Variants in BCL2L14 observed in about 807,000 individuals in gnomAD.
The protein encoded by BCL2L14 is apoptosis facilitator Bcl-2-like protein 14.
A neutral mutation model predicts 35.3 loss-of-function variants in BCL2L14; 27 were observed. The observed-to-expected ratio is 0.76, with a 90% CI of 0.56 to 1.05. The LOEUF (loss-of-function observed/expected upper bound fraction) is 1.05. Among genes scored for constraint, BCL2L14 ranks in the 50% least tolerant of loss-of-function variants. BCL2L14 has a pLI of 0.00. For missense variants in BCL2L14, 377 were observed against 382.6 expected (o/e 0.99, Z 0.12); for synonymous variants, 139 against 145.9 (o/e 0.95, Z 0.34).
At position 12,099,257 on chromosome 12, in the gene BCL2L14, T is replaced by G. The variant is rs974408717; in HGVS notation, c.*269T>G. On this transcript the variant is annotated 3_prime_UTR_variant, in exon 6 of 6. Coordinates refer to ENST00000308721, the MANE Select transcript of BCL2L14 (RefSeq NM_138723.2). ...TGTAAAGATAAGTGGTGATGTTGTT[T>G]CAAACGTTCAGAACAGATACCATCA... 2.4e-5 allele frequency: 11 copies of G among 462,260 alleles called. No homozygotes were observed. Among genetic ancestry groups the G allele is most frequent in the African/African-American group, 2.2e-4 (11 of 50,688 alleles). 28.6% of individuals were successfully genotyped at this position (462,260 alleles called of 1,614,324 possible).
At chr12:12,085,101 A>T (rs1255251916) in intron 2 of BCL2L14, among the ~76,000 whole-genome samples, 1 of 151,890 alleles carries the variant, frequency 6.6e-6, no homozygotes, top group Admixed American at 6.6e-5. Flanking sequence ...AAAAAAAAAA[A>T]AAAGTCAATA....
intron 2 of BCL2L14, among the ~76,000 whole-genome samples, chr12:12,086,232 C>T (rs1488092832): frequency 6.6e-6 from 1 of 152,294 alleles, no homozygotes; most frequent in African/African-American, 2.4e-5. Context: ...GTGGGACAAT[C>T]GCTTGAGCCT....
intron 2 of BCL2L14, among the ~76,000 whole-genome samples, chr12:12,062,610 A>G (rs1054114009): frequency 9.2e-5 from 14 of 151,938 alleles, no homozygotes; most frequent in Non-Finnish European, 1.3e-4. Flanking sequence ...TGGCAAATTA[A>G]CTTTACTCAA....
At chr12:12,090,873 C>A in intron 4 of BCL2L14, 24 bp downstream of exon 4, 1 of 1,575,296 alleles carries the variant, frequency 6.3e-7, no homozygotes, top group Non-Finnish European at 8.7e-7. Context: ...TGAACTGATG[C>A]GATTGATTTC....
At chr12:12,070,533 C>G (rs768010203), upstream of BCL2L14, among the ~76,000 whole-genome samples, 1 of 152,032 alleles carries the variant, frequency 6.6e-6, no homozygotes, top group Non-Finnish European at 1.5e-5. Flanking sequence ...AAAAATTAGC[C>G]AGGCGTGCTG....
intron 5 of BCL2L14, 46 bp downstream of exon 5, chr12:12,094,976 A>T (rs1249573926): frequency 1.9e-6 from 3 of 1,565,380 alleles, no homozygotes; most frequent in Non-Finnish European, 2.6e-6. Context: ...AACTCAGAAG[A>T]GATGGGATGG....
chr12:12,087,889 G>C (rs1419218298), intron 3 of BCL2L14, among the ~76,000 whole-genome samples: 2 of 152,208 alleles, frequency 1.3e-5, no homozygotes, highest in African/African-American at 4.8e-5. Context: ...CCAAACCATA[G>C]CAATAGCTGA....
intron 5 of BCL2L14, chr12:12,096,108 T>G: frequency 1.0e-6 from 1 of 985,382 alleles, no homozygotes; most frequent in African/African-American, 1.7e-5. Context: ...GCTCAAAGGC[T>G]GCACAGTCTC....
chr12:12,061,809 A>T (rs973392161), intron 2 of BCL2L14, among the ~76,000 whole-genome samples: 7 of 152,052 alleles, frequency 4.6e-5, no homozygotes, highest in African/African-American at 1.7e-4. Context: ...CTCATCTGTT[A>T]CCTATCTCAG....
intron 1 of BCL2L14, among the ~76,000 whole-genome samples, chr12:12,077,041 C>T (rs1376265843): frequency 6.6e-6 from 1 of 152,178 alleles, no homozygotes; most frequent in African/African-American, 2.4e-5. Flanking sequence ...CCTCACATTG[C>T]CTCAAACCCT....
At chr12:12,097,500 A>G (rs1244541847) in intron 5 of BCL2L14, among the ~76,000 whole-genome samples, 1 of 152,270 alleles carries the variant, frequency 6.6e-6, no homozygotes, top group Non-Finnish European at 1.5e-5. Context: ...GTATAGATAC[A>G]GAAAGTAGAC....
chr12:12,090,268 T>G (rs1408560326), intron 3 of BCL2L14, among the ~76,000 whole-genome samples: 1 of 152,196 alleles, frequency 6.6e-6, no homozygotes, highest in African/African-American at 2.4e-5. Context: ...GAAGGGGCTG[T>G]AGGAGAAATC....
intron 2 of BCL2L14, among the ~76,000 whole-genome samples, chr12:12,085,079 G>A (rs373990277): frequency 3.2e-3 from 195 of 60,782 alleles, no homozygotes; most frequent in African/African-American, 0.013. Flanking sequence ...GCGAGACTCC[G>A]TCTCAAAAAA....
intron 1 of BCL2L14, among the ~76,000 whole-genome samples, chr12:12,078,521 T>A (rs1270012332): frequency 6.6e-6 from 1 of 152,186 alleles, no homozygotes; most frequent in Admixed American, 6.5e-5. Context: ...TCACTTATTT[T>A]CCCTCCACTA....
chr12:12,055,988 C>A (rs1347497599), intron 2 of BCL2L14, among the ~76,000 whole-genome samples: 2 of 152,128 alleles, frequency 1.3e-5, no homozygotes, highest in African/African-American at 4.8e-5. Flanking sequence ...AATTCCTCAT[C>A]CCTCATCATC....
At chr12:12,057,813 T>G (rs1235847337) in intron 2 of BCL2L14, among the ~76,000 whole-genome samples, 1 of 150,160 alleles carries the variant, frequency 6.7e-6, no homozygotes, top group Non-Finnish European at 1.5e-5. Flanking sequence ...CTGAACCATG[T>G]GAAGAAGATG....
At position 12,077,537 on chromosome 12, in the gene BCL2L14, C is replaced by CAAA. The variant is rs58644458; in HGVS notation, c.-7-1747_-7-1745dup. On this transcript the variant is annotated intron_variant, in intron 1 of 5. Transcript: ENST00000308721. ...TGGGCAACAGAGCAAAACTGAGTCT[C>CAAA]AAAAAAAAAAAAAAAAAGAGAGCCT... Among the ~76,000 whole-genome samples, 64 of 113,088 alleles carry CAAA rather than the reference C, an allele frequency of 5.7e-4. 1 individual carries two copies. Among genetic ancestry groups the CAAA allele is most frequent in the African/African-American group, 1.8e-3 (53 of 28,720 alleles). 74.2% of individuals were successfully genotyped at this position (113,088 alleles called of 152,430 possible).
chr12:12,098,697 C>T (rs1949366767), intron 5 of BCL2L14, among the ~76,000 whole-genome samples: 1 of 152,154 alleles, frequency 6.6e-6, no homozygotes, highest in South Asian at 2.1e-4. Context: ...ATTTTAAATA[C>T]ACCCTTGAAG....
At chr12:12,089,780 A>C (rs1044020055) in intron 3 of BCL2L14, among the ~76,000 whole-genome samples, 3 of 152,210 alleles carry the variant, frequency 2.0e-5, no homozygotes, top group Non-Finnish European at 2.9e-5. Flanking sequence ...AGCCTTGGCC[A>C]TAGGGGAATT....
Sources: gnomAD v4.1 joint callset for allele counts (sites outside exome capture counted in the v4.1 genomes callset) on GRCh38, gnomAD v4.1.1 for gene constraint, MANE v1.5 for transcripts, NCBI Gene and HGNC (gene_info 2026-07-23, HGNC 2026-07-21) for gene names.